TJP2: variants seen among roughly 807,000 people sequenced by gnomAD.
The protein encoded by TJP2 is Friedreich ataxia region gene X104 (tight junction protein ZO-2).
In TJP2, 91 loss-of-function variants were observed where a neutral mutation model predicts 133.1. The observed-to-expected ratio is 0.68, with a 90% CI of 0.58 to 0.81. The LOEUF is 0.81. Ranked by LOEUF, TJP2 falls within the 40% of genes least tolerant of loss-of-function variation. TJP2 has a pLI of 0.00. For missense variants in TJP2, 1,541 were observed against 1,565.6 expected (o/e 0.98, Z 0.26); for synonymous variants, 592 against 583.4 (o/e 1.01, Z -0.21).
At chr9:69,172,510 A>G (rs1438170754), upstream of TJP2, among the ~76,000 whole-genome samples, 1 of 152,194 alleles carries the variant, frequency 6.6e-6, no homozygotes, top group African/African-American at 2.4e-5. Flanking sequence ...TGTAAATGTA[A>G]ACACTTACTG....
intron 2 of TJP2, among the ~76,000 whole-genome samples, chr9:69,153,902 C>T (rs1171302861): frequency 6.6e-6 from 1 of 152,172 alleles, no homozygotes; most frequent in Non-Finnish European, 1.5e-5. Flanking sequence ...CTTGGGTGAG[C>T]TTGAGTGATG....
rs1201901986 is a variant in TJP2 at position 69,125,161 on chromosome 9, C to G, written c.-131+3436C>G. On this transcript the variant is annotated intron_variant, in intron 1 of 5. Coordinates refer to the TJP2 transcript ENST00000423935. ...AGAGATGGGGTTTCTCCATGTTGGT[C>G]AGGCTGGTCTCAAACTCCTGACCTC... Among the ~76,000 whole-genome samples, 2 of 73,872 alleles carry G rather than the reference C, an allele frequency of 2.7e-5. 1 individual carries two copies. Among genetic ancestry groups the G allele is most frequent in the African/African-American group, 8.4e-5 (2 of 23,854 alleles). The allele number at this position is 73,872 out of a possible 152,430, so 48.5% of individuals were successfully genotyped here. A position where few individuals can be genotyped will look rare whatever the true frequency, so the allele number is the denominator to read the frequency against.
rs530628458 is a variant in TJP2, at chr9:69,254,669, G to A, written c.*295G>A. Reference sequence around the variant, plus strand: ...GGACCGAAATCTGTATTCTGTTTGCGTACTTGTAATATGTATATTAAGAAG... The same window carrying A: ...GGACCGAAATCTGTATTCTGTTTGCATACTTGTAATATGTATATTAAGAAG... On this transcript the variant is annotated 3_prime_UTR_variant, in exon 23 of 23. Coordinates refer to ENST00000377245, the MANE Select transcript of TJP2 (RefSeq NM_004817.4). The A allele has an allele frequency of 2.0e-5, 12 of 592,394 alleles. No individual in the cohort carries two copies. Among genetic ancestry groups the A allele is most frequent in the Non-Finnish European group, 3.3e-5 (11 of 331,982 alleles). 36.7% of individuals were successfully genotyped at this position (592,394 alleles called of 1,614,324 possible). A position where few individuals can be genotyped will look rare whatever the true frequency, so the allele number is the denominator to read the frequency against.
At chr9:69,250,094 A>C (rs557123749) in intron 20 of TJP2, among the ~76,000 whole-genome samples, 17 of 152,190 alleles carry the variant, frequency 1.1e-4, no homozygotes, top group African/African-American at 3.9e-4. Flanking sequence ...TAACTCAATA[A>C]TTTATTATTT....
chr9:69,253,293 G>A (rs892852981), intron 22 of TJP2: 2 of 263,802 alleles, frequency 7.6e-6, no homozygotes, highest in South Asian at 5.0e-5. Flanking sequence ...CAGACCGCTT[G>A]TGCTGCCCTG....
At chr9:69,160,030 A>C (rs1037590031) in intron 2 of TJP2, among the ~76,000 whole-genome samples, 1 of 151,976 alleles carries the variant, frequency 6.6e-6, no homozygotes, top group Admixed American at 6.6e-5. Context: ...AGGATGATTC[A>C]AGCAAAGGCA....
At chr9:69,243,807 G>A (rs1830730057) in intron 17 of TJP2, among the ~76,000 whole-genome samples, 1 of 152,186 alleles carries the variant, frequency 6.6e-6, no homozygotes, top group Admixed American at 6.5e-5. Context: ...TTTAGAGGGG[G>A]TCTAGCGTGC....
chr9:69,186,946 A>G (rs907652248), intron 1 of TJP2, among the ~76,000 whole-genome samples: 1 of 152,218 alleles, frequency 6.6e-6, no homozygotes, highest in Non-Finnish European at 1.5e-5. Flanking sequence ...GTTTTTAAAG[A>G]TAAATTTCTC....
At chr9:69,250,960 T>C (rs1831285894) in intron 20 of TJP2, 75 bp from the exon 21 acceptor site, 9 of 1,356,720 alleles carry the variant, frequency 6.6e-6, no homozygotes, top group Non-Finnish European at 9.4e-6. Context: ...GGAAATGGAG[T>C]GTATTAAATC....
chr9:69,237,394 T>C (rs548801231), intron 14 of TJP2, among the ~76,000 whole-genome samples: 2 of 152,330 alleles, frequency 1.3e-5, no homozygotes, highest in South Asian at 2.1e-4. Flanking sequence ...GGCTGGGCAC[T>C]GTACCTTATG....
intron 1 of TJP2, chr9:69,145,809 CA>C (rs1342233837): frequency 1.5e-5 from 18 of 1,231,916 alleles, no homozygotes; most frequent in Non-Finnish European, 1.8e-5. Context: ...GAACCTTTGG[CA>C]ACAACCTGGG....
chr9:69,137,201 ATCATGAGCT>A (rs11277392), intron 1 of TJP2, among the ~76,000 whole-genome samples: 67,021 of 150,732 alleles, frequency 0.44, 15,042 homozygotes, highest in East Asian at 0.62. Flanking sequence ...TCAACCAATG[ATCATGAGCT>A]TCTTTGTTTT....
At chr9:69,153,900 A>C (rs933283930) in intron 2 of TJP2, among the ~76,000 whole-genome samples, 1 of 152,162 alleles carries the variant, frequency 6.6e-6, no homozygotes, top group Non-Finnish European at 1.5e-5. Context: ...GCCTTGGGTG[A>C]GCTTGAGTGA....
At chr9:69,200,988 G>A (rs11145657) in intron 1 of TJP2, among the ~76,000 whole-genome samples, 21,201 of 152,050 alleles carry the variant, frequency 0.14, 1,901 homozygotes, top group Middle Eastern at 0.23. Context: ...ATATCCCCTG[G>A]CAGCATCTGA....
At position 69,221,443 on chromosome 9, in the gene TJP2, G is replaced by C. The variant is rs762140391; in HGVS notation, c.899G>C (p.Arg300Thr). The C allele has an allele frequency of 1.8e-5, 28 of 1,594,240 alleles. No individual in the cohort carries two copies. Among genetic ancestry groups the C allele is most frequent in the Middle Eastern group, 3.3e-4 (2 of 6,056 alleles). ...TCACGGAGCCCCAGCCCCGAGCCTA[G>C]GGGGCGGCCGGGGCCCATCGGGGTC... is the stretch of plus-strand genomic sequence containing the variant. ...PHSRSPSPEP[R>T]GRPGPIGVLL... The change falls in exon 5 of 23, where the codon AGG (arginine) becomes ACG (threonine). Residue 300 changes from arginine to threonine, a missense_variant. Coordinates refer to ENST00000377245, the MANE Select transcript of TJP2 (RefSeq NM_004817.4).
intron 18 of TJP2, 123 bp downstream of exon 18, chr9:69,246,913 G>GT: frequency 1.1e-6 from 1 of 905,352 alleles, no homozygotes; most frequent in Middle Eastern, 2.2e-4. Flanking sequence ...TGCTAATCAA[G>GT]TTTGAAATTT....
At chr9:69,154,879 A>G (rs1387099988) in intron 2 of TJP2, among the ~76,000 whole-genome samples, 1 of 152,174 alleles carries the variant, frequency 6.6e-6, no homozygotes, top group African/African-American at 2.4e-5. Context: ...GGCAATTTAG[A>G]TACCTTAAAG....
At chr9:69,142,231 A>G (rs1322076754) in intron 1 of TJP2, among the ~76,000 whole-genome samples, 1 of 152,218 alleles carries the variant, frequency 6.6e-6, no homozygotes, top group Non-Finnish European at 1.5e-5. Context: ...GATAAATTTG[A>G]TGACATCCAG....
chr9:69,203,119 A>G (rs1262241314), intron 1 of TJP2, among the ~76,000 whole-genome samples: 1 of 151,962 alleles, frequency 6.6e-6, no homozygotes, highest in African/African-American at 2.4e-5. Flanking sequence ...AGAGTGAAGG[A>G]GTGGGCTGGC....
Sources: allele counts gnomAD v4.1 joint callset (sites outside exome capture counted in the v4.1 genomes callset), GRCh38; gene constraint gnomAD v4.1.1; transcripts MANE v1.5; gene names NCBI Gene and HGNC (gene_info 2026-07-23, HGNC 2026-07-21).